Variants in COMMD1 observed in about 807,000 individuals in gnomAD.
COMMD1 encodes copper metabolism domain containing 1.
Under a neutral mutation model 17.2 loss-of-function variants are expected in COMMD1, and 10 were observed. That is an observed-to-expected ratio of 0.58 (90% CI 0.36 to 0.99). The LOEUF is 0.99. Among genes scored for constraint, COMMD1 ranks in the 50% least tolerant of loss-of-function variants. The pLI, the probability that COMMD1 is intolerant of heterozygous loss-of-function variation, is 0.01. For synonymous variants in COMMD1, 97 were observed against 91.6 expected (o/e 1.06, Z -0.34); for missense variants, 270 against 231.8 (o/e 1.17, Z -1.07).
chr2:61,949,033 G>A (rs919463824), intron 1 of COMMD1, among the ~76,000 whole-genome samples: 2 of 152,194 alleles, frequency 1.3e-5, no homozygotes, highest in Admixed American at 1.3e-4. Flanking sequence ...CTCAGGAGGT[G>A]GAGGCAGGAG....
chr2:61,912,322 G>C (rs1669924786), intron 1 of COMMD1, among the ~76,000 whole-genome samples: 1 of 152,196 alleles, frequency 6.6e-6, no homozygotes, highest in Non-Finnish European at 1.5e-5. Flanking sequence ...GATTGGCATA[G>C]AGAGAAAACA....
upstream of COMMD1, among the ~76,000 whole-genome samples, chr2:61,903,394 AGATT>A (rs1325578593): frequency 6.6e-6 from 1 of 151,470 alleles, no homozygotes; most frequent in Non-Finnish European, 1.5e-5. Flanking sequence ...CAGTGAACCG[AGATT>A]GTGCCACTGC....
At chr2:62,048,545 A>G (rs546331414) in intron 2 of COMMD1, among the ~76,000 whole-genome samples, 79 of 152,226 alleles carry the variant, frequency 5.2e-4, no homozygotes, top group Non-Finnish European at 9.1e-4. Flanking sequence ...ATGGACAGTA[A>G]AATATTAATG....
rs1012069723 is a variant in COMMD1 at position 62,012,955 on chromosome 2, TG to T, written c.462+11978del. On this transcript the variant is annotated intron_variant, in intron 2 of 2. Coordinates refer to ENST00000311832, the MANE Select transcript of COMMD1 (RefSeq NM_152516.4). ...AGAAGGAGGCAGCCCCAGGAAGATCTGGGGGCACAAAATACAGGCAGAGGGA... is the reference window on the plus strand; with the variant it reads ...AGAAGGAGGCAGCCCCAGGAAGATCTGGGGCACAAAATACAGGCAGAGGGA... Among the ~76,000 whole-genome samples, 66 of 152,198 alleles carry T rather than the reference TG, an allele frequency of 4.3e-4. No individual in the cohort carries two copies. In the Middle Eastern group the frequency reaches 0.01, roughly 24 times the overall value.
intron 1 of COMMD1, among the ~76,000 whole-genome samples, chr2:61,959,026 T>G (rs1671271199): frequency 6.6e-6 from 1 of 152,134 alleles, no homozygotes; most frequent in African/African-American, 2.4e-5. Context: ...ACTTTATACT[T>G]AACTCATTGT....
chr2:62,010,157 T>G (rs1258225446), intron 2 of COMMD1, among the ~76,000 whole-genome samples: 1 of 152,200 alleles, frequency 6.6e-6, no homozygotes, highest in East Asian at 1.9e-4. Flanking sequence ...TTTGCATTTA[T>G]TCTCGTTTTA....
intron 2 of COMMD1, among the ~76,000 whole-genome samples, chr2:62,111,340 G>T (rs1672449470): frequency 6.6e-6 from 1 of 152,166 alleles, no homozygotes; most frequent in Non-Finnish European, 1.5e-5. Flanking sequence ...GACAGGGAAG[G>T]CTTCAGAATG....
chr2:61,981,653 G>A (rs774396202), intron 1 of COMMD1, among the ~76,000 whole-genome samples: 9 of 152,164 alleles, frequency 5.9e-5, no homozygotes, highest in South Asian at 2.1e-4. Flanking sequence ...CAGTCATGGC[G>A]GAAGGTGAAA....
intron 2 of COMMD1, among the ~76,000 whole-genome samples, chr2:62,012,624 G>C (rs1669316375): frequency 1.3e-5 from 2 of 151,996 alleles, no homozygotes; most frequent in Admixed American, 6.6e-5. Flanking sequence ...GGCCCCTTTG[G>C]CAGTGATTTA....
chr2:61,937,219 GA>G (rs1413650914), intron 1 of COMMD1, among the ~76,000 whole-genome samples: 1 of 152,202 alleles, frequency 6.6e-6, no homozygotes, highest in Middle Eastern at 3.4e-3. Context: ...ATTAGGGCTG[GA>G]GGGGTATGAT....
intron 1 of COMMD1, among the ~76,000 whole-genome samples, chr2:61,914,218 T>A (rs1415178319): frequency 6.6e-6 from 1 of 152,028 alleles, no homozygotes; most frequent in Admixed American, 6.6e-5. Flanking sequence ...ATATAAATTA[T>A]GTTTTGAAGT....
At chr2:62,005,704 G>A in intron 2 of COMMD1, among the ~76,000 whole-genome samples, 1 of 152,040 alleles carries the variant, frequency 6.6e-6, no homozygotes, top group Non-Finnish European at 1.5e-5. Context: ...AACAGGTGCT[G>A]GAGAGGATGT....
chr2:61,907,949 A>G (rs934111381), intron 1 of COMMD1, among the ~76,000 whole-genome samples: 15 of 152,096 alleles, frequency 9.9e-5, no homozygotes, highest in Admixed American at 8.5e-4. Context: ...TGGCCTCCCA[A>G]AGTGCTGGGA....
intron 1 of COMMD1, among the ~76,000 whole-genome samples, chr2:61,889,533 G>T (rs1669370182): frequency 6.6e-6 from 1 of 152,132 alleles, no homozygotes; most frequent in Non-Finnish European, 1.5e-5. Flanking sequence ...CTTTAACTCC[G>T]GCTGGATCTA....
intron 1 of COMMD1, among the ~76,000 whole-genome samples, chr2:61,893,086 C>T (rs548074452): frequency 1.2e-4 from 18 of 152,022 alleles, no homozygotes; most frequent in African/African-American, 3.4e-4. Flanking sequence ...AGGCTGGTTT[C>T]GAACTCCCGA....
At chr2:61,972,287 A>G (rs1338744170) in intron 1 of COMMD1, among the ~76,000 whole-genome samples, 2 of 152,220 alleles carry the variant, frequency 1.3e-5, no homozygotes, top group Non-Finnish European at 2.9e-5. Context: ...TACTGCTGCT[A>G]TTATTTTTCT....
intron 1 of COMMD1, among the ~76,000 whole-genome samples, chr2:61,982,687 G>T (rs1671987617): frequency 6.6e-6 from 1 of 152,050 alleles, no homozygotes; most frequent in South Asian, 2.1e-4. Flanking sequence ...TGTTTTTTCA[G>T]TTAGCACTAG....
intron 1 of COMMD1, among the ~76,000 whole-genome samples, chr2:61,965,549 G>T (rs967730571): frequency 6.6e-6 from 1 of 152,206 alleles, no homozygotes. Context: ...TGGACACTTA[G>T]TAAAAATTCG....
chr2:61,923,745 C>G (rs1670255077), intron 1 of COMMD1, among the ~76,000 whole-genome samples: 1 of 152,004 alleles, frequency 6.6e-6, no homozygotes, highest in South Asian at 2.1e-4. Context: ...GACATAAGCT[C>G]AGATTTATAT....
Sources: allele counts gnomAD v4.1 joint callset (sites outside exome capture counted in the v4.1 genomes callset), GRCh38; gene constraint gnomAD v4.1.1; transcripts MANE v1.5; gene names NCBI Gene and HGNC (gene_info 2026-07-23, HGNC 2026-07-21).